Variants in SYT6 observed in about 807,000 individuals in gnomAD.
SYT6 encodes synaptotagmin 6, also known as synaptotagmin-6.
A neutral mutation model predicts 38.4 loss-of-function variants in SYT6; 24 were observed. The observed-to-expected ratio is 0.62, with a 90% CI of 0.45 to 0.88. The LOEUF (loss-of-function observed/expected upper bound fraction) is 0.88, where lower values mean the gene tolerates loss of function less well. SYT6 is among the 40% of genes least tolerant of loss of function. The pLI, the probability that SYT6 is intolerant of heterozygous loss-of-function variation, is 0.00. For synonymous variants in SYT6, 265 were observed against 241.9 expected (o/e 1.10, Z -0.89); for missense variants, 611 against 621.0 (o/e 0.98, Z 0.17).
At chr1:114,143,553 T>TTTGC (rs1384506788) in intron 1 of SYT6, among the ~76,000 whole-genome samples, 1 of 109,792 alleles carries the variant, frequency 9.1e-6, no homozygotes, top group Non-Finnish European at 1.9e-5. Flanking sequence ...ATATAACTTA[T>TTTGC]GTGCATGTGT....
intron 5 of SYT6, among the ~76,000 whole-genome samples, chr1:114,098,256 C>G (rs665922): frequency 0.17 from 25,831 of 152,118 alleles, 2,218 homozygotes; most frequent in African/African-American, 0.18. Context: ...CACCATTTCT[C>G]CAAAACCCCA....
intron 3 of SYT6, among the ~76,000 whole-genome samples, chr1:114,127,226 G>C (rs537368922): frequency 6.6e-6 from 1 of 152,304 alleles, no homozygotes; most frequent in Admixed American, 6.5e-5. Context: ...CTCTGCAGCA[G>C]GAACAGTTTG....
At position 114,091,745 on chromosome 1, in the gene SYT6, CT is replaced by C. The variant is rs61312323; in HGVS notation, c.*388del. 1.9e-3 allele frequency: 496 copies of C among 257,540 alleles called. No homozygotes were observed. The highest frequency in any genetic ancestry group is 2.4e-3 in the Non-Finnish European group (331 of 138,684). 16.0% of individuals were successfully genotyped at this position (257,540 alleles called of 1,614,324 possible). A position where few individuals can be genotyped will look rare whatever the true frequency, so the allele number is the denominator to read the frequency against. ...TTTCCACCCTTTGTCTTTTCCTACT[CT>C]TTTTTTTTTTCCCTTTTCTTACCAG... On this transcript the variant is annotated 3_prime_UTR_variant, in exon 8 of 8. Transcript: ENST00000610222.
At chr1:114,148,528 C>T (rs1679268993) in intron 1 of SYT6, among the ~76,000 whole-genome samples, 1 of 152,192 alleles carries the variant, frequency 6.6e-6, no homozygotes, top group African/African-American at 2.4e-5. Context: ...CTCGTGCAGA[C>T]ACAGACAGAG....
chr1:114,110,685 G>A (rs1308281684), intron 3 of SYT6, among the ~76,000 whole-genome samples: 4 of 152,186 alleles, frequency 2.6e-5, no homozygotes, highest in African/African-American at 9.7e-5. Flanking sequence ...GAGAAAGTGA[G>A]CATGAGTTCA....
chr1:114,152,942 G>C (rs1022550033), intron 1 of SYT6: 1 of 152,282 alleles, frequency 6.6e-6, no homozygotes, highest in Non-Finnish European at 1.5e-5. Flanking sequence ...AGGGACGGAG[G>C]GAGCGAGTTA....
intron 7 of SYT6, 62 bp downstream of exon 7, chr1:114,093,673 G>A: frequency 6.7e-7 from 1 of 1,502,118 alleles, no homozygotes. Flanking sequence ...CCACACTAGG[G>A]GAAGAAGGAG....
intron 3 of SYT6, 93 bp downstream of exon 3, chr1:114,137,402 C>T: frequency 3.5e-6 from 5 of 1,428,522 alleles, no homozygotes; most frequent in Non-Finnish European, 4.8e-6. Context: ...GGCAAAGGCC[C>T]ATTTGTCTCT....
rs1557735490 is a variant in SYT6, at chr1:114,104,540, G to A, written c.1072-819C>T. ...ATTTGATGAAGGAGGGCGCTGTCAC[G>A]GTGAAGCCTCCTCCCACAGGTTTGA... On this transcript the variant is annotated intron_variant, in intron 3 of 7. Coordinates refer to ENST00000610222, the MANE Select transcript of SYT6 (RefSeq NM_001253772.2). 2.6e-5 allele frequency among the ~76,000 whole-genome samples: 4 copies of A among 152,236 alleles called. No homozygotes were observed. In the South Asian group the frequency reaches 6.2e-4, roughly 24 times the overall value.
Position 114,097,643 on chromosome 1 carries a change from G to A in SYT6, c.1515+84C>T, listed in dbSNP as rs962188449. 10 of 1,536,806 alleles carry A rather than the reference G, an allele frequency of 6.5e-6. No individual in the cohort carries two copies. The African/African-American group carries it at 1.2e-4, about 19-fold the overall frequency. ...CATGCCCACCTTTCCACAAAAGGCC[G>A]AGGGTGTCACTGCAGCTGACTGCCA... On this transcript the variant is annotated intron_variant, in intron 6 of 7. Transcript: ENST00000610222.
At chr1:114,133,133 G>T (rs1032719174) in intron 3 of SYT6, among the ~76,000 whole-genome samples, 1 of 151,610 alleles carries the variant, frequency 6.6e-6, no homozygotes. Flanking sequence ...GCATGCCCAC[G>T]CACATACACA....
intron 4 of SYT6, 87 bp downstream of exon 4, chr1:114,103,514 C>CTGACAAT: frequency 6.4e-7 from 1 of 1,550,416 alleles, no homozygotes; most frequent in Non-Finnish European, 8.8e-7. Context: ...TCTAAGAATG[C>CTGACAAT]TGACAATTCT....
chr1:114,109,624 T>C (rs1256745212), intron 3 of SYT6, among the ~76,000 whole-genome samples: 2 of 152,294 alleles, frequency 1.3e-5, no homozygotes, highest in African/African-American at 2.4e-5. Context: ...ACAGAGTAGG[T>C]GCTTAGTAAG....
rs577399543 is a variant in SYT6 at position 114,090,899 on chromosome 1, C to T, written c.*1235G>A. On this transcript the variant is annotated 3_prime_UTR_variant, in exon 8 of 8. Transcript: ENST00000610222. Reference sequence around the variant, plus strand: ...AAAGATCTAAAGGAAACAAGAAACCCTCACAACCACTGAAACAAACAACAC... The same window carrying T: ...AAAGATCTAAAGGAAACAAGAAACCTTCACAACCACTGAAACAAACAACAC... The T allele has an allele frequency of 6.5e-6, 1 of 152,854 alleles. No homozygotes were observed. Among genetic ancestry groups the T allele is most frequent in the African/African-American group, 2.4e-5 (1 of 41,520 alleles). The allele number at this position is 152,854 out of a possible 1,614,324, so 9.5% of individuals were successfully genotyped here. A position where few individuals can be genotyped will look rare whatever the true frequency, so the allele number is the denominator to read the frequency against.
At chr1:114,138,126 G>T in intron 2 of SYT6, 73 bp from the exon 3 acceptor site, 1 of 1,420,374 alleles carries the variant, frequency 7.0e-7, no homozygotes, top group Non-Finnish European at 9.5e-7. Context: ...GCAAACACGA[G>T]CCTGGAGGCC....
intron 3 of SYT6, among the ~76,000 whole-genome samples, chr1:114,127,344 C>T (rs1196196127): frequency 1.3e-5 from 2 of 152,010 alleles, no homozygotes; most frequent in South Asian, 2.1e-4. Flanking sequence ...GAAGGCTGCC[C>T]GTGGGATGGA....
At chr1:114,126,441 C>T (rs1419322321) in intron 3 of SYT6, among the ~76,000 whole-genome samples, 1 of 152,194 alleles carries the variant, frequency 6.6e-6, no homozygotes, top group Non-Finnish European at 1.5e-5. Context: ...TCCCTTCCTC[C>T]TGGATGAATC....
At chr1:114,123,138 C>T (rs1450492272) in intron 3 of SYT6, among the ~76,000 whole-genome samples, 4 of 152,196 alleles carry the variant, frequency 2.6e-5, no homozygotes, top group African/African-American at 7.2e-5. Flanking sequence ...TCTCACAGGG[C>T]CCTGCAGGAG....
chr1:114,092,332 C>CTGTGTGTG (rs1356649164), intron 7 of SYT6, among the ~76,000 whole-genome samples: 1 of 138,764 alleles, frequency 7.2e-6, no homozygotes, highest in Admixed American at 8.3e-5. Context: ...CTCTCTCTCT[C>CTGTGTGTG]TCTCTCTGTG....
Sources: allele counts gnomAD v4.1 joint callset (sites outside exome capture counted in the v4.1 genomes callset), GRCh38; gene constraint gnomAD v4.1.1; transcripts MANE v1.5; gene names NCBI Gene and HGNC (gene_info 2026-07-23, HGNC 2026-07-21).